The following ESPL1 variants were observed in gnomAD, a reference collection of about 807,000 sequenced individuals.
ESPL1 encodes extra spindle pole bodies like 1, separase, also known as separin.
ESPL1 carries 50 observed loss-of-function variants against 217.2 expected under a neutral mutation model. The ratio of observed to expected loss-of-function variants is 0.23; its 90% CI spans 0.18 to 0.29. The LOEUF is 0.29. Ranked by LOEUF, ESPL1 falls within the 10% of genes least tolerant of loss-of-function variation. ESPL1 has a pLI of 1.00. For missense variants in ESPL1, 1,834 were observed against 2,603.0 expected, an observed-to-expected ratio of 0.70 and a Z score of 6.43; for synonymous variants, 994 against 1,081.3, an observed-to-expected ratio of 0.92 and a Z score of 1.58.
At position 53,290,947 on chromosome 12, in the gene ESPL1, A is replaced by T. The variant is rs898990493; in HGVS notation, c.5471A>T (p.Glu1824Val). Reference protein sequence around the residue: ...GPAQEASRLQELLQDCGWKYP... With the variant: ...GPAQEASRLQVLLQDCGWKYP... ...GCCCAGGAGGCCTCCCGCCTACAGG[A>T]GCTGCTACAGGACTGTGGCTGGAAA... The change falls in exon 25 of 31, where the codon GAG (glutamate) becomes GTG (valine). Residue 1824 changes from glutamate (E) to valine (V), a missense_variant. Glu to Val is a moderately radical substitution (Grantham distance 121). Transcript: ENST00000257934. The T allele has an allele frequency of 6.2e-7, 1 of 1,605,576 alleles. No homozygotes were observed. The highest frequency in any genetic ancestry group is 1.3e-5 in the African/African-American group (1 of 74,784).
At position 53,272,898 on chromosome 12, in the gene ESPL1, T is replaced by A. The variant is rs773032776; in HGVS notation, c.1506+41T>A. 13 of 1,607,064 alleles carry A rather than the reference T, an allele frequency of 8.1e-6. No individual in the cohort carries two copies. In the East Asian group the frequency reaches 2.7e-4, roughly 33 times the overall value. On this transcript the variant is annotated intron_variant, in intron 6 of 30. Coordinates refer to ENST00000257934, the MANE Select transcript of ESPL1 (RefSeq NM_012291.5). The stretch of plus-strand genomic sequence containing the variant: ...AGATGCAGGAAAGGAGCTTATGTGG[T>A]TGGGGAGCGGGGGGAGCGGGGAAGG...
rs925902429 is a variant in ESPL1 at position 53,272,666 on chromosome 12, G to A, written c.1370-55G>A. ...GCTGATCTCTGCTGCCTCTCCAGGAGGAGAGGGTGGTGGGAGCCTTTCCTA... is the reference window on the plus strand; with the variant it reads ...GCTGATCTCTGCTGCCTCTCCAGGAAGAGAGGGTGGTGGGAGCCTTTCCTA... On this transcript the variant is annotated intron_variant, in intron 5 of 30. Transcript: ENST00000257934. 5.7e-6 allele frequency: 9 copies of A among 1,590,440 alleles called. No individual in the cohort carries two copies. The African/African-American group carries it at 1.2e-4, about 21-fold the overall frequency.
intron 19 of ESPL1, 62 bp from the exon 20 acceptor site, chr12:53,288,476 G>A (rs1592495003): frequency 6.6e-7 from 1 of 1,506,194 alleles, no homozygotes; most frequent in South Asian, 1.2e-5. Flanking sequence ...GATTACAGAA[G>A]GAAGAACAAA....
intron 24 of ESPL1, 96 bp downstream of exon 24, chr12:53,290,565 C>T (rs1944036991): frequency 1.5e-6 from 2 of 1,301,710 alleles, no homozygotes; most frequent in Non-Finnish European, 2.2e-6. Flanking sequence ...GTGCTAAAGC[C>T]ACTTCAAATC....
intron 3 of ESPL1, 99 bp from the exon 4 acceptor site, chr12:53,270,279 C>G (rs73309503): frequency 9.8e-7 from 1 of 1,023,694 alleles, no homozygotes; most frequent in African/African-American, 1.6e-5. Flanking sequence ...TCCTCGTGCT[C>G]CCTGGGCTCT....
intron 24 of ESPL1, 74 bp downstream of exon 24, chr12:53,290,543 C>A: frequency 5.8e-6 from 9 of 1,546,870 alleles, no homozygotes; most frequent in Non-Finnish European, 8.0e-6. Flanking sequence ...CTCTACCAGA[C>A]GGCCTGGGTC....
Position 53,287,967 on chromosome 12 carries a change from C to G in ESPL1, c.4177-5C>G, listed in dbSNP as rs768350989. The G allele has an allele frequency of 6.3e-7, 1 of 1,589,464 alleles. No homozygotes were observed. Among genetic ancestry groups the G allele is most frequent in the East Asian group, 2.2e-5 (1 of 44,700 alleles). On this transcript the variant is annotated splice_region_variant and splice_polypyrimidine_tract_variant and intron_variant, in intron 18 of 30. Transcript: ENST00000257934. ...TAGCCCTTCACCCTTTCACTCTGAT[C>G]TCAGGTGAACTTCAGTGATGACAGT...
At position 53,290,426 on chromosome 12, in the gene ESPL1, G is replaced by T; in HGVS notation, c.5321G>T (p.Arg1774Leu). ...QKENSSCTDK[R>L]EWWTGRLALD... ...GAGAACAGCAGCTGTACTGACAAGC[G>T]AGAATGGTGGACAGGGCGGCTGGCA... is the stretch of plus-strand genomic sequence containing the variant. The change falls in exon 24 of 31, where the codon CGA (arginine) becomes CTA (leucine). Residue 1774 changes from arginine (R) to leucine (L), a missense_variant. Physicochemically the swap from Arg to Leu is moderately radical, Grantham distance 102. Transcript: ENST00000257934. 6.2e-7 allele frequency: 1 copy of T among 1,613,346 alleles called. No individual in the cohort carries two copies. The highest frequency in any genetic ancestry group is 1.1e-5 in the South Asian group (1 of 90,840).
chr12:53,284,196 G>T (rs1943908721), intron 17 of ESPL1, 29 bp downstream of exon 17: 1 of 1,383,042 alleles, frequency 7.2e-7, no homozygotes, highest in Non-Finnish European at 1.0e-6. Context: ...ATGACCATAG[G>T]CGGTGCTGAA....
chr12:53,291,296 C>CAA (rs1297902095), intron 25 of ESPL1, among the ~76,000 whole-genome samples: 5 of 101,840 alleles, frequency 4.9e-5, no homozygotes, highest in Non-Finnish European at 4.1e-5. Context: ...GACTCCATCT[C>CAA]AAAAAAAAAA....
chr12:53,287,374 C>CT (rs113102716), intron 18 of ESPL1: 280 of 130,000 alleles, frequency 2.2e-3, no homozygotes, highest in Non-Finnish European at 3.0e-3. Context: ...TGCTCAGCCT[C>CT]TTTTTTTTTT....
At chr12:53,278,258 G>T (rs1943804159) in intron 11 of ESPL1, among the ~76,000 whole-genome samples, 1 of 152,054 alleles carries the variant, frequency 6.6e-6, no homozygotes, top group South Asian at 2.1e-4. Context: ...TGTGTAAATG[G>T]TATGCTCAAA....
chr12:53,269,014 C>G lies in ESPL1; in HGVS notation c.82-10C>G. On this transcript the variant is annotated splice_polypyrimidine_tract_variant and intron_variant, in intron 2 of 30. Coordinates refer to ENST00000257934, the MANE Select transcript of ESPL1 (RefSeq NM_012291.5). This position sits in a 1 kb window ranked among gnomAD's most constrained non-coding sequence, Gnocchi z 6.7. ...TTGCTAGCCCCATTCATATCTTTCT[C>G]TACTCCTAGGAGTTCCTGTCCAACC... The G allele has an allele frequency of 6.2e-7, 1 of 1,603,598 alleles. No homozygotes were observed. Among genetic ancestry groups the G allele is most frequent in the Non-Finnish European group, 8.5e-7 (1 of 1,172,792 alleles).
At chr12:53,289,707 A>G in intron 22 of ESPL1, 113 bp downstream of exon 22, 1 of 854,242 alleles carries the variant, frequency 1.2e-6, no homozygotes, top group Admixed American at 2.8e-5. Context: ...TATGACCCTT[A>G]TGTCATACCT....
chr12:53,290,513 C>G, intron 24 of ESPL1, 44 bp downstream of exon 24: 1 of 1,605,720 alleles, frequency 6.2e-7, no homozygotes, highest in East Asian at 2.2e-5. Flanking sequence ...TAGGAATGAC[C>G]CGGGGGGTCC....
At chr12:53,283,956 G>A (rs1943904702) in intron 16 of ESPL1, 102 bp from the exon 17 acceptor site, 1 of 848,630 alleles carries the variant, frequency 1.2e-6, no homozygotes, top group South Asian at 1.5e-5. Flanking sequence ...TTGGAGGCAG[G>A]GAAGGACTCA....
intron 18 of ESPL1, among the ~76,000 whole-genome samples, 161 bp downstream of exon 18, chr12:53,287,073 G>GT (rs1943961482): frequency 6.6e-6 from 1 of 151,812 alleles, no homozygotes; most frequent in Admixed American, 6.6e-5. Flanking sequence ...TTGCTTTTTT[G>GT]TTTTTTGTTG....
intron 19 of ESPL1, 40 bp from the exon 20 acceptor site, chr12:53,288,498 G>T (rs376655391): frequency 3.2e-6 from 5 of 1,580,720 alleles, no homozygotes; most frequent in East Asian, 4.5e-5. Context: ...AGAATGGCAG[G>T]GGGAGGGAGC....
rs1311717526 is a variant in ESPL1, at chr12:53,286,342, C to CCAA, written c.3607_3609dup (p.Gln1203dup). 6.2e-7 allele frequency: 1 copy of CCAA among 1,614,102 alleles called. No individual in the cohort carries two copies. The highest frequency in any genetic ancestry group is 1.7e-5 in the Admixed American group (1 of 60,012). Reference sequence around the variant, plus strand: ...CCGCTGAGCGCCTCACCCAAGCTCTCCAAGCTTCCCTGAATCATAAAACAC... The same window carrying CCAA: ...CCGCTGAGCGCCTCACCCAAGCTCTCCAACAAGCTTCCCTGAATCATAAAACAC... On this transcript the variant is annotated inframe_insertion, in exon 18 of 31. Coordinates refer to ENST00000257934, the MANE Select transcript of ESPL1 (RefSeq NM_012291.5). The surrounding 1 kb of genome is among the most constrained non-coding windows in gnomAD (Gnocchi z 5.3).
Sources: gnomAD v4.1 joint callset for allele counts (sites outside exome capture counted in the v4.1 genomes callset) on GRCh38, gnomAD v4.1.1 for gene constraint, Gnocchi (gnomAD v3.1) non-coding constraint, MANE v1.5 for transcripts, NCBI Gene and HGNC (gene_info 2026-07-23, HGNC 2026-07-21) for gene names.